RNLS: variants seen among roughly 807,000 people sequenced by gnomAD.
RNLS encodes renalase.
In RNLS, 39 loss-of-function variants were observed where a neutral mutation model predicts 39.8. That is an observed-to-expected ratio of 0.98 (90% confidence interval 0.76 to 1.28). The LOEUF (loss-of-function observed/expected upper bound fraction) is 1.28, where lower values mean the gene tolerates loss of function less well. RNLS is among the 50% of genes most tolerant of loss of function. The probability of loss-of-function intolerance (pLI) is 0.00; values close to 1 mark genes in which losing one functional copy is unlikely to be tolerated. For synonymous variants in RNLS, 147 were observed against 150.7 expected (o/e 0.98, Z 0.18); for missense variants, 410 against 413.3 (o/e 0.99, Z 0.07).
chr10:88,505,282 G>T (rs182417429), intron 4 of RNLS, among the ~76,000 whole-genome samples: 512 of 151,256 alleles, frequency 3.4e-3, no homozygotes, highest in Non-Finnish European at 5.4e-3. Context: ...AAAAAAAAAA[G>T]AATCTGGAAG....
intron 4 of RNLS, among the ~76,000 whole-genome samples, chr10:88,494,142 C>T (rs1352308119): frequency 1.3e-5 from 2 of 152,056 alleles, no homozygotes; most frequent in African/African-American, 4.8e-5. Context: ...ACAAGGAAAG[C>T]AAGAGTTGAG....
chr10:88,214,251 T>A, the RNLS span, among the ~76,000 whole-genome samples: 1 of 152,130 alleles, frequency 6.6e-6, no homozygotes, highest in Admixed American at 6.5e-5. Flanking sequence ...CATACCCGTC[T>A]CTGGACCACT....
At chr10:88,485,003 CA>C (rs2134035493) in intron 4 of RNLS, among the ~76,000 whole-genome samples, 1 of 151,998 alleles carries the variant, frequency 6.6e-6, no homozygotes, top group East Asian at 1.9e-4. Flanking sequence ...GATGCTTTTT[CA>C]TAAGTCAGAA....
chr10:88,533,806 A>G (rs1352207916), intron 4 of RNLS, among the ~76,000 whole-genome samples: 1 of 152,140 alleles, frequency 6.6e-6, no homozygotes, highest in Non-Finnish European at 1.5e-5. Context: ...ACCATACACA[A>G]GTAGAATCCC....
At chr10:88,386,542 T>C (rs1851867775) in intron 4 of RNLS, among the ~76,000 whole-genome samples, 1 of 152,248 alleles carries the variant, frequency 6.6e-6, no homozygotes, top group Non-Finnish European at 1.5e-5. Flanking sequence ...ACTTGTTAGC[T>C]ATTTTTCCTT....
At chr10:88,446,740 T>C (rs982334253) in intron 4 of RNLS, among the ~76,000 whole-genome samples, 2 of 152,144 alleles carry the variant, frequency 1.3e-5, no homozygotes, top group African/African-American at 4.8e-5. Context: ...ATATCCCTGA[T>C]GAACATCGAT....
At chr10:88,555,110 T>A (rs1460167226) in intron 4 of RNLS, among the ~76,000 whole-genome samples, 3 of 152,024 alleles carry the variant, frequency 2.0e-5, no homozygotes, top group Non-Finnish European at 4.4e-5. Context: ...TACTGGAATT[T>A]CATGGAGAGG....
chr10:88,340,389 G>A (rs929889433), intron 5 of RNLS, among the ~76,000 whole-genome samples: 9 of 152,194 alleles, frequency 5.9e-5, no homozygotes, highest in African/African-American at 1.4e-4. Flanking sequence ...AAATACTTTC[G>A]TATGGAGGAT....
the RNLS span, among the ~76,000 whole-genome samples, chr10:88,238,838 C>CT: frequency 1.3e-5 from 2 of 152,170 alleles, no homozygotes. Flanking sequence ...TGTGGAATTT[C>CT]TTTAACTGCC....
the RNLS span, among the ~76,000 whole-genome samples, chr10:88,250,852 G>C: frequency 6.6e-6 from 1 of 152,150 alleles, no homozygotes; most frequent in African/African-American, 2.4e-5. Flanking sequence ...CGTGAAAGAG[G>C]CATGTAAATT....
At chr10:88,396,780 G>C (rs1211748827) in intron 4 of RNLS, among the ~76,000 whole-genome samples, 1 of 148,498 alleles carries the variant, frequency 6.7e-6, no homozygotes, top group Non-Finnish European at 1.5e-5. Context: ...GAAGGTAAAA[G>C]GTTGGGAAAA....
At chr10:88,522,025 C>T (rs768878005) in intron 4 of RNLS, among the ~76,000 whole-genome samples, 61 of 152,062 alleles carry the variant, frequency 4.0e-4, no homozygotes, top group Non-Finnish European at 7.9e-4. Context: ...AGTTCACTGG[C>T]TGGTACTATA....
At chr10:88,196,427 C>T in the RNLS span, among the ~76,000 whole-genome samples, 2 of 152,254 alleles carry the variant, frequency 1.3e-5, no homozygotes, top group East Asian at 3.9e-4. Flanking sequence ...AATTATTGAC[C>T]TCATGCTTCA....
At chr10:88,370,526 T>A (rs1041076184) in intron 4 of RNLS, among the ~76,000 whole-genome samples, 1 of 152,182 alleles carries the variant, frequency 6.6e-6, no homozygotes, top group African/African-American at 2.4e-5. Flanking sequence ...GGAAGCCAAT[T>A]TGTATTATAA....
At chr10:88,323,056 T>C (rs1246702930) in intron 5 of RNLS, among the ~76,000 whole-genome samples, 1 of 151,954 alleles carries the variant, frequency 6.6e-6, no homozygotes, top group Non-Finnish European at 1.5e-5. Flanking sequence ...AAATACTATA[T>C]CTAAAAATGC....
intron 4 of RNLS, among the ~76,000 whole-genome samples, chr10:88,455,321 T>C (rs7916937): frequency 0.52 from 78,808 of 151,964 alleles, 21,042 homozygotes; most frequent in African/African-American, 0.66. Flanking sequence ...CCAAACCTAC[T>C]AGGGCAACTA....
At chr10:88,518,297 C>T (rs1846520935) in intron 4 of RNLS, among the ~76,000 whole-genome samples, 2 of 151,904 alleles carry the variant, frequency 1.3e-5, no homozygotes, top group Admixed American at 6.6e-5. Flanking sequence ...ATATAGTATG[C>T]ATCTGTTCAT....
At chr10:88,440,904 A>G (rs1032195186) in intron 4 of RNLS, among the ~76,000 whole-genome samples, 2 of 152,196 alleles carry the variant, frequency 1.3e-5, no homozygotes, top group African/African-American at 2.4e-5. Flanking sequence ...AAACAAACAA[A>G]TTCAGGTTCT....
intron 4 of RNLS, among the ~76,000 whole-genome samples, chr10:88,511,989 T>A (rs1846145317): frequency 1.3e-5 from 2 of 152,212 alleles, no homozygotes; most frequent in Admixed American, 1.3e-4. Context: ...TTAAGTTGTT[T>A]CCAATTTTTT....
Sources: gnomAD v4.1 joint callset for allele counts (sites outside exome capture counted in the v4.1 genomes callset) on GRCh38, gnomAD v4.1.1 for gene constraint, MANE v1.5 for transcripts, NCBI Gene and HGNC (gene_info 2026-07-23, HGNC 2026-07-21) for gene names.